KCNH7: variants seen among roughly 807,000 people sequenced by gnomAD.
The protein encoded by KCNH7 is voltage-gated inwardly rectifying potassium channel KCNH7.
A neutral mutation model predicts 120.8 loss-of-function variants in KCNH7; 49 were observed. The ratio of observed to expected loss-of-function variants is 0.41; its 90% CI spans 0.32 to 0.51. KCNH7 has a LOEUF of 0.51. Ranked by LOEUF, KCNH7 falls within the 20% of genes least tolerant of loss-of-function variation. The pLI is 0.38. For missense variants in KCNH7, 1,097 were observed against 1,446.6 expected (o/e 0.76, Z 3.92); for synonymous variants, 547 against 516.1 (o/e 1.06, Z -0.81).
chr2:162,788,589 A>C (rs1683798617), intron 2 of KCNH7, among the ~76,000 whole-genome samples: 1 of 152,062 alleles, frequency 6.6e-6, no homozygotes, highest in African/African-American at 2.4e-5. Context: ...AATAAAAAGA[A>C]ATAAAGAAAA....
At chr2:162,830,182 C>A (rs1228243533) in intron 2 of KCNH7, among the ~76,000 whole-genome samples, 1 of 151,986 alleles carries the variant, frequency 6.6e-6, no homozygotes, top group Non-Finnish European at 1.5e-5. Flanking sequence ...TGGTTTCTTT[C>A]GGGTGAGAAG....
At chr2:162,623,348 GT>G (rs559287808) in intron 2 of KCNH7, among the ~76,000 whole-genome samples, 5 of 152,272 alleles carry the variant, frequency 3.3e-5, no homozygotes, top group African/African-American at 1.2e-4. Flanking sequence ...ATTTTTGTAA[GT>G]GTAAAGTGGC....
Position 162,765,084 on chromosome 2 carries a change from A to G in KCNH7, c.307+71453T>C, listed in dbSNP as rs578029723. 2.5e-4 allele frequency among the ~76,000 whole-genome samples: 38 copies of G among 152,318 alleles called. No homozygotes were observed. The South Asian group carries it at 5.2e-3, about 21-fold the overall frequency. On this transcript the variant is annotated intron_variant, in intron 2 of 15. Transcript: ENST00000332142. ...GGAGAAGGGTAAGGAAGGAGGAAAA[A>G]GAATACAAGAAGGCACAAAACAGAA...
intron 2 of KCNH7, among the ~76,000 whole-genome samples, chr2:162,722,043 G>C (rs1403521879): frequency 6.6e-6 from 1 of 151,894 alleles, no homozygotes; most frequent in Non-Finnish European, 1.5e-5. Context: ...GACTCTAGGG[G>C]TCAGCATTCA....
chr2:162,715,214 G>A (rs1416889479), intron 2 of KCNH7, among the ~76,000 whole-genome samples: 1 of 152,144 alleles, frequency 6.6e-6, no homozygotes, highest in Non-Finnish European at 1.5e-5. Flanking sequence ...GGAAGCCTCA[G>A]GGAGCTTACA....
At chr2:162,397,232 C>T (rs912890440) in intron 10 of KCNH7, among the ~76,000 whole-genome samples, 5 of 151,814 alleles carry the variant, frequency 3.3e-5, no homozygotes, top group African/African-American at 4.8e-5. Flanking sequence ...AGCAAAGGGT[C>T]GTACCATAGA....
At chr2:162,661,675 C>T (rs932808753) in intron 2 of KCNH7, among the ~76,000 whole-genome samples, 1 of 151,594 alleles carries the variant, frequency 6.6e-6, no homozygotes, top group Non-Finnish European at 1.5e-5. Context: ...AAAAATGTCT[C>T]GGTAAGAAGC....
chr2:162,567,843 A>G (rs1485967), intron 2 of KCNH7, among the ~76,000 whole-genome samples: 85,238 of 151,878 alleles, frequency 0.56, 24,451 homozygotes, highest in Admixed American at 0.67. Context: ...AAGACTATAT[A>G]TAGGATGGTG....
At chr2:162,742,594 A>G (rs1243481892) in intron 2 of KCNH7, among the ~76,000 whole-genome samples, 2 of 152,210 alleles carry the variant, frequency 1.3e-5, no homozygotes, top group Non-Finnish European at 2.9e-5. Flanking sequence ...GAGAAAACAT[A>G]ATAATGTTAG....
chr2:162,383,281 C>A (rs180675104), intron 13 of KCNH7, among the ~76,000 whole-genome samples: 18 of 152,008 alleles, frequency 1.2e-4, no homozygotes, highest in African/African-American at 4.3e-4. Context: ...CATGATACAA[C>A]CTGTTTCTAT....
chr2:162,628,213 C>A (rs1229311970), intron 2 of KCNH7, among the ~76,000 whole-genome samples: 1 of 152,014 alleles, frequency 6.6e-6, no homozygotes, highest in Non-Finnish European at 1.5e-5. Context: ...TTGAAATATG[C>A]CCTAAAATGA....
intron 2 of KCNH7, among the ~76,000 whole-genome samples, chr2:162,562,442 G>A (rs1174486259): frequency 1.3e-5 from 2 of 152,152 alleles, no homozygotes. Flanking sequence ...TAATATGGAG[G>A]TTGGGCATCC....
intron 2 of KCNH7, among the ~76,000 whole-genome samples, chr2:162,551,757 T>TG (rs1056680104): frequency 3.3e-5 from 5 of 152,296 alleles, no homozygotes; most frequent in Admixed American, 6.5e-5. Context: ...AGGTATAGTG[T>TG]GGGTGCCCCA....
intron 9 of KCNH7, among the ~76,000 whole-genome samples, chr2:162,401,494 C>T (rs1203433264): frequency 1.3e-5 from 2 of 151,820 alleles, no homozygotes; most frequent in Non-Finnish European, 2.9e-5. Flanking sequence ...TCCAATATAG[C>T]TAAAAGTAAC....
intron 9 of KCNH7, among the ~76,000 whole-genome samples, chr2:162,409,535 A>T (rs529595956): frequency 1.1e-3 from 160 of 152,030 alleles, no homozygotes; most frequent in Non-Finnish European, 1.6e-3. Context: ...ACAATTGACT[A>T]ACCAATAATA....
intron 2 of KCNH7, among the ~76,000 whole-genome samples, chr2:162,577,733 A>C (rs868571160): frequency 3.5e-4 from 54 of 152,132 alleles, no homozygotes; most frequent in South Asian, 4.1e-4. Flanking sequence ...ACTTCAAAAG[A>C]CTACGTCAAC....
chr2:162,408,306 GACA>G (rs1356837031), intron 9 of KCNH7, among the ~76,000 whole-genome samples: 2 of 151,920 alleles, frequency 1.3e-5, no homozygotes, highest in Admixed American at 6.6e-5. Context: ...TTTAAGACTG[GACA>G]ACAATTGTTT....
chr2:162,400,702 A>G (rs1381851388), intron 9 of KCNH7, among the ~76,000 whole-genome samples: 1 of 151,898 alleles, frequency 6.6e-6, no homozygotes, highest in Non-Finnish European at 1.5e-5. Context: ...TAATGCCTAC[A>G]ACTTTTCACA....
intron 2 of KCNH7, among the ~76,000 whole-genome samples, chr2:162,645,808 A>C (rs1684338533): frequency 6.6e-6 from 1 of 152,008 alleles, no homozygotes. Context: ...GGTCACACTG[A>C]GAGTTTCTGG....
Sources: allele counts gnomAD v4.1 joint callset (sites outside exome capture counted in the v4.1 genomes callset), GRCh38; gene constraint gnomAD v4.1.1; transcripts MANE v1.5; gene names NCBI Gene and HGNC (gene_info 2026-07-23, HGNC 2026-07-21).